Variants in CPQ observed in about 807,000 individuals in gnomAD.
CPQ encodes carboxypeptidase Q.
In CPQ, 37 loss-of-function variants were observed where a neutral mutation model predicts 45.7. The observed-to-expected ratio is 0.81, with a 90% confidence interval of 0.62 to 1.07. The LOEUF (loss-of-function observed/expected upper bound fraction) is 1.07, where lower values mean the gene tolerates loss of function less well. Among genes scored for constraint, CPQ ranks in the 50% least tolerant of loss-of-function variants. CPQ has a pLI of 0.00. For synonymous variants in CPQ, 186 were observed against 205.8 expected, an observed-to-expected ratio of 0.90 and a Z score of 0.82; for missense variants, 537 against 572.9, an observed-to-expected ratio of 0.94 and a Z score of 0.64.
intron 1 of CPQ, among the ~76,000 whole-genome samples, chr8:96,768,382 C>T (rs1810496287): frequency 6.6e-6 from 1 of 151,876 alleles, no homozygotes; most frequent in Non-Finnish European, 1.5e-5. Flanking sequence ...CGGAGAGCTG[C>T]TCTTTTTCCT....
rs980422342 is a variant in CPQ, at chr8:96,879,188, GT to G, written c.642-601del. 5.9e-5 allele frequency among the ~76,000 whole-genome samples: 9 copies of G among 151,834 alleles called. No individual in the cohort carries two copies. In the South Asian group the frequency reaches 1.9e-3, roughly 32 times the overall value. Reference sequence around the variant, plus strand: ...CTCCTTTAGTGCCAAAAGTATAATAGTTTTTTTTTCTCTTGTGGCAGTAAAA... The same window carrying G: ...CTCCTTTAGTGCCAAAAGTATAATAGTTTTTTTTCTCTTGTGGCAGTAAAA... On this transcript the variant is annotated intron_variant, in intron 3 of 7. Transcript: ENST00000220763.
At chr8:97,105,594 A>G (rs548388984) in intron 7 of CPQ, among the ~76,000 whole-genome samples, 1 of 152,318 alleles carries the variant, frequency 6.6e-6, no homozygotes, top group Non-Finnish European at 1.5e-5. Flanking sequence ...TCCTTTTACT[A>G]GGAACCTAAG....
At chr8:97,094,327 A>G (rs1343713732) in intron 7 of CPQ, among the ~76,000 whole-genome samples, 1 of 152,178 alleles carries the variant, frequency 6.6e-6, no homozygotes, top group Non-Finnish European at 1.5e-5. Context: ...AGGTTTGCAA[A>G]TTGTTCAAAC....
chr8:97,099,116 T>TC (rs1491508368), intron 7 of CPQ, among the ~76,000 whole-genome samples: 2 of 18,474 alleles, frequency 1.1e-4, no homozygotes, highest in East Asian at 6.8e-4. Context: ...CTTCTCTCTC[T>TC]TTTTTTTTTT....
chr8:96,748,067 A>C (rs1382745999), intron 1 of CPQ, among the ~76,000 whole-genome samples: 1 of 152,174 alleles, frequency 6.6e-6, no homozygotes, highest in Non-Finnish European at 1.5e-5. Context: ...TGTGATGACA[A>C]TATACTATTT....
At chr8:97,034,191 CA>C (rs1240188730) in intron 6 of CPQ, among the ~76,000 whole-genome samples, 1 of 152,038 alleles carries the variant, frequency 6.6e-6, no homozygotes, top group African/African-American at 2.4e-5. Flanking sequence ...CAAACTTTGG[CA>C]AAAATGGTCT....
intron 1 of CPQ, among the ~76,000 whole-genome samples, chr8:96,688,138 T>C (rs1048180145): frequency 1.4e-5 from 2 of 145,172 alleles, no homozygotes; most frequent in African/African-American, 5.7e-5. Context: ...GGTAATTAGA[T>C]AGTCATAACA....
At chr8:96,831,287 T>C (rs1811456934) in intron 2 of CPQ, among the ~76,000 whole-genome samples, 2 of 152,182 alleles carry the variant, frequency 1.3e-5, no homozygotes, top group African/African-American at 2.4e-5. Context: ...TTTCAGGCAC[T>C]TGGAACTTAC....
At chr8:97,001,832 C>T (rs1809288602) in intron 5 of CPQ, among the ~76,000 whole-genome samples, 1 of 147,396 alleles carries the variant, frequency 6.8e-6, no homozygotes, top group Non-Finnish European at 1.5e-5. Context: ...TGGAATAGCT[C>T]CAGTAAGAAT....
intron 3 of CPQ, among the ~76,000 whole-genome samples, chr8:96,855,481 A>G (rs192730106): frequency 1.1e-3 from 166 of 152,348 alleles, no homozygotes; most frequent in Middle Eastern, 6.8e-3. Flanking sequence ...TCCAAACTAT[A>G]GAAAGAATTC....
chr8:97,119,379 GT>G (rs1194750380), intron 7 of CPQ, among the ~76,000 whole-genome samples: 5 of 149,572 alleles, frequency 3.3e-5, no homozygotes, highest in Non-Finnish European at 5.9e-5. Context: ...ATTCTTTTAG[GT>G]TCTGTGTCAC....
chr8:96,847,640 C>T (rs1020230156), intron 3 of CPQ, among the ~76,000 whole-genome samples: 1 of 152,110 alleles, frequency 6.6e-6, no homozygotes, highest in Non-Finnish European at 1.5e-5. Context: ...ATCATTTCCT[C>T]TGAACTTTTT....
intron 6 of CPQ, among the ~76,000 whole-genome samples, chr8:97,062,025 T>C (rs930589918): frequency 6.6e-6 from 1 of 152,148 alleles, no homozygotes; most frequent in Non-Finnish European, 1.5e-5. Flanking sequence ...CTTCTTTATT[T>C]ACACTATTCT....
chr8:97,049,359 G>A (rs1253730832), intron 6 of CPQ, among the ~76,000 whole-genome samples: 2 of 152,110 alleles, frequency 1.3e-5, no homozygotes, highest in Non-Finnish European at 2.9e-5. Flanking sequence ...GATGTCAAAG[G>A]GCAGAGCTGC....
chr8:96,904,601 A>G (rs1224036930), intron 4 of CPQ, among the ~76,000 whole-genome samples: 1 of 152,142 alleles, frequency 6.6e-6, no homozygotes, highest in African/African-American at 2.4e-5. Flanking sequence ...AACCATGCTG[A>G]TCATCAGAAT....
intron 4 of CPQ, among the ~76,000 whole-genome samples, chr8:96,927,126 C>A (rs1812903224): frequency 6.6e-6 from 1 of 152,178 alleles, no homozygotes; most frequent in African/African-American, 2.4e-5. Flanking sequence ...GACATACTTT[C>A]ATGTGATTCT....
At chr8:96,699,700 AT>A (rs1809430037) in intron 1 of CPQ, among the ~76,000 whole-genome samples, 1 of 152,096 alleles carries the variant, frequency 6.6e-6, no homozygotes, top group African/African-American at 2.4e-5. Flanking sequence ...ATTCAAACAA[AT>A]TTTGAAACAT....
chr8:96,742,922 T>G (rs559130019), intron 1 of CPQ, among the ~76,000 whole-genome samples: 4 of 152,302 alleles, frequency 2.6e-5, no homozygotes, highest in African/African-American at 9.6e-5. Context: ...TTTCCTTCAT[T>G]TCAACTTTGG....
chr8:97,070,767 A>G (rs1364006432), intron 7 of CPQ, among the ~76,000 whole-genome samples: 1 of 152,170 alleles, frequency 6.6e-6, no homozygotes, highest in East Asian at 1.9e-4. Flanking sequence ...AAAGTGACCT[A>G]AGAGGGATTT....
Sources: gnomAD v4.1 joint callset for allele counts (sites outside exome capture counted in the v4.1 genomes callset) on GRCh38, gnomAD v4.1.1 for gene constraint, MANE v1.5 for transcripts, NCBI Gene and HGNC (gene_info 2026-07-23, HGNC 2026-07-21) for gene names.